Variants in PTPRG observed in about 807,000 individuals in gnomAD.
The protein encoded by PTPRG is receptor-type tyrosine-protein phosphatase gamma.
A neutral mutation model predicts 165.3 loss-of-function variants in PTPRG; 102 were observed. The observed-to-expected ratio is 0.62, with a 90% CI of 0.53 to 0.73. The LOEUF (loss-of-function observed/expected upper bound fraction) is 0.73. PTPRG is among the 30% of genes least tolerant of loss of function. The pLI is 0.00. For missense variants in PTPRG, 1,866 were observed against 1,861.4 expected (o/e 1.00, Z -0.05); for synonymous variants, 675 against 669.5 (o/e 1.01, Z -0.13).
chr3:61,917,451 G>A (rs1020503293), intron 2 of PTPRG, among the ~76,000 whole-genome samples: 1 of 152,106 alleles, frequency 6.6e-6, no homozygotes, highest in Non-Finnish European at 1.5e-5. Context: ...TTCTTTGCGT[G>A]TTGCTAAAAT....
chr3:62,151,244 GAAAGCCCTTATACAAAA>G (rs1255650992), intron 6 of PTPRG, among the ~76,000 whole-genome samples: 3 of 152,150 alleles, frequency 2.0e-5, no homozygotes, highest in Non-Finnish European at 4.4e-5. Flanking sequence ...ACCATGACTT[GAAAGCCCTTATACAAAA>G]TTTCCTAATT....
Position 62,293,253 on chromosome 3 carries a change from T to C in PTPRG, c.4284T>C (p.Ala1428=). 1 of 1,611,870 alleles carries C rather than the reference T, an allele frequency of 6.2e-7. No individual in the cohort carries two copies. Residue 1428 remains alanine, a synonymous_variant, in exon 30 of 30, where the codon GCT becomes GCC. Coordinates refer to ENST00000474889, the MANE Select transcript of PTPRG (RefSeq NM_002841.4). ...NGPMTVDKNG[A]VLIADESDPA... is the part of the protein sequence containing the mutation. Reference sequence around the variant, plus strand: ...CCATGACAGTAGACAAAAATGGTGCTGTTCTTATTGCAGATGAATCAGACC... The same window carrying C: ...CCATGACAGTAGACAAAAATGGTGCCGTTCTTATTGCAGATGAATCAGACC...
At position 61,805,530 on chromosome 3, in the gene PTPRG, C is replaced by CAAA. The variant is rs58646519; in HGVS notation, c.190+56567_190+56569dup. 6.6e-3 allele frequency among the ~76,000 whole-genome samples: 636 copies of CAAA among 96,502 alleles called. 8 individuals are homozygous for CAAA. Among genetic ancestry groups the CAAA allele is most frequent in the East Asian group, 9.1e-3 (34 of 3,722 alleles). 63.3% of individuals were successfully genotyped at this position (96,502 alleles called of 152,430 possible). ...CTACTCTTCCCGAAAATGGGAAAGA[C>CAAA]AAAAAAAAAAAAAAAAAAAAATCAA... On this transcript the variant is annotated intron_variant, in intron 2 of 29. Transcript: ENST00000474889.
chr3:62,285,521 TG>T (rs1702612372), intron 28 of PTPRG, among the ~76,000 whole-genome samples: 1 of 14,772 alleles, frequency 6.8e-5, no homozygotes, highest in African/African-American at 3.9e-4. Flanking sequence ...GGCAGGTGGT[TG>T]TTGGGGGGGG....
chr3:61,742,403 ATTTTTTTTTTT>A lies in PTPRG; in HGVS notation c.86-6465_86-6455del, dbSNP rs34010935. The A allele has an allele frequency of 1.4e-5, 10 of 734,642 alleles. No individual in the cohort carries two copies. The East Asian group carries it at 1.8e-4, about 13-fold the overall frequency. The allele number at this position is 734,642 out of a possible 1,614,324, so 45.5% of individuals were successfully genotyped here. On this transcript the variant is annotated intron_variant, in intron 1 of 29. Transcript: ENST00000474889. ...AAGAAATTGGGCCTTTGGGTCTGGA[ATTTTTTTTTTT>A]TTTTTTTTTGAACTGGTAATAGAAT... is the stretch of plus-strand genomic sequence containing the variant.
intron 2 of PTPRG, among the ~76,000 whole-genome samples, chr3:61,902,216 G>A (rs1373567568): frequency 6.6e-6 from 1 of 152,174 alleles, no homozygotes; most frequent in Non-Finnish European, 1.5e-5. Flanking sequence ...GAACTGAAAG[G>A]GTTGGGCATG....
chr3:62,076,154 G>GT (rs1241757870), intron 4 of PTPRG, among the ~76,000 whole-genome samples: 2 of 152,068 alleles, frequency 1.3e-5, no homozygotes, highest in African/African-American at 4.8e-5. Context: ...CGATATGGTG[G>GT]TGTATACCCG....
At chr3:61,817,093 CAT>C (rs1337660196) in intron 2 of PTPRG, among the ~76,000 whole-genome samples, 1 of 123,914 alleles carries the variant, frequency 8.1e-6, no homozygotes, top group African/African-American at 3.1e-5. Flanking sequence ...ATATATATTA[CAT>C]ATTATTACAT....
At position 62,295,307 on chromosome 3, in the gene PTPRG, A is replaced by C. The variant is rs1234233352; in HGVS notation, c.*2000A>C. ...AGGAGAATCAGGAAAGCAATGAGCT[A>C]GACTCTTTTTTTAGTCAATTAAGTG... On this transcript the variant is annotated 3_prime_UTR_variant, in exon 30 of 30. Transcript: ENST00000474889. 6.6e-6 allele frequency: 1 copy of C among 152,146 alleles called. No homozygotes were observed. The allele number at this position is 152,146 out of a possible 1,614,324, so 9.4% of individuals were successfully genotyped here. A position where few individuals can be genotyped will look rare whatever the true frequency, so the allele number is the denominator to read the frequency against.
intron 1 of PTPRG, among the ~76,000 whole-genome samples, chr3:61,574,681 G>A (rs1219357506): frequency 6.6e-6 from 1 of 152,116 alleles, no homozygotes; most frequent in African/African-American, 2.4e-5. Context: ...TCTGAGACTG[G>A]GTAGTTTATA....
chr3:61,816,409 G>A (rs1011224273), intron 2 of PTPRG, among the ~76,000 whole-genome samples: 1 of 152,056 alleles, frequency 6.6e-6, no homozygotes, highest in African/African-American at 2.4e-5. Context: ...GTGGGGGCCC[G>A]TAATCCTAGC....
intron 8 of PTPRG, among the ~76,000 whole-genome samples, chr3:62,177,116 AT>A (rs1343901327): frequency 1.4e-4 from 21 of 151,882 alleles, no homozygotes; most frequent in African/African-American, 3.1e-4. Flanking sequence ...AGAAAAAAAA[AT>A]TTATCTTTTT....
intron 2 of PTPRG, among the ~76,000 whole-genome samples, chr3:61,767,144 T>C (rs2034046916): frequency 6.9e-6 from 1 of 144,486 alleles, no homozygotes; most frequent in African/African-American, 2.6e-5. Flanking sequence ...CTTGAGAGGC[T>C]GAGGCAGGAG....
At chr3:61,576,469 A>G (rs115663872) in intron 1 of PTPRG, among the ~76,000 whole-genome samples, 2,705 of 152,294 alleles carry the variant, frequency 0.018, 80 homozygotes, top group African/African-American at 0.062. Context: ...CAGTTTTTCT[A>G]CAGAGGAATT....
chr3:62,204,456 G>A (rs1700178587), intron 12 of PTPRG, among the ~76,000 whole-genome samples: 1 of 152,180 alleles, frequency 6.6e-6, no homozygotes, highest in Non-Finnish European at 1.5e-5. Flanking sequence ...AGGAACGTTA[G>A]AAAGCCAGCA....
At chr3:61,819,335 A>G (rs921067827) in intron 2 of PTPRG, among the ~76,000 whole-genome samples, 10 of 152,214 alleles carry the variant, frequency 6.6e-5, no homozygotes, top group Non-Finnish European at 8.8e-5. Context: ...GGAAGCATTG[A>G]TGACATAAGT....
At chr3:62,277,455 A>G (rs1030771308) in intron 25 of PTPRG, 96 bp from the exon 26 acceptor site, 17 of 1,382,846 alleles carry the variant, frequency 1.2e-5, no homozygotes, top group Non-Finnish European at 1.6e-5. Flanking sequence ...AGTGTAGTCA[A>G]AACAGTGCTA....
intron 2 of PTPRG, among the ~76,000 whole-genome samples, chr3:61,980,690 G>C (rs1471839095): frequency 6.6e-6 from 1 of 152,124 alleles, no homozygotes. Context: ...TACTCAGATG[G>C]GTTAAAATAC....
intron 2 of PTPRG, among the ~76,000 whole-genome samples, chr3:61,817,045 A>AATATAT (rs1384521866): frequency 6.1e-5 from 8 of 131,332 alleles, no homozygotes; most frequent in East Asian, 2.2e-4. Context: ...TATAATATAT[A>AATATAT]ATATTATATA....
Sources: gnomAD v4.1 joint callset for allele counts (sites outside exome capture counted in the v4.1 genomes callset) on GRCh38, gnomAD v4.1.1 for gene constraint, MANE v1.5 for transcripts, NCBI Gene and HGNC (gene_info 2026-07-23, HGNC 2026-07-21) for gene names.